Variants in CRB1 observed in about 807,000 individuals in gnomAD.
The protein encoded by CRB1 is protein crumbs homolog 1.
A neutral mutation model predicts 120.0 loss-of-function variants in CRB1; 83 were observed. The observed-to-expected ratio is 0.69, with a 90% CI of 0.58 to 0.83. CRB1 has a LOEUF of 0.83. Ranked by LOEUF, CRB1 falls within the 40% of genes least tolerant of loss-of-function variation. CRB1 has a pLI of 0.00. For synonymous variants in CRB1, 625 were observed against 612.5 expected (o/e 1.02, Z -0.30); for missense variants, 1,699 against 1,687.6 (o/e 1.01, Z -0.12).
intron 4 of CRB1, among the ~76,000 whole-genome samples, chr1:197,354,834 CCCCGCCCA>C (rs1378454076): frequency 3.0e-3 from 47 of 15,858 alleles, no homozygotes; most frequent in African/African-American, 6.6e-3. Flanking sequence ...CACCCCCCCC[CCCCGCCCA>C]CCCCCCCCCC....
At chr1:197,412,102 T>C (rs1032689826) in intron 5 of CRB1, among the ~76,000 whole-genome samples, 2 of 152,224 alleles carry the variant, frequency 1.3e-5, no homozygotes, top group African/African-American at 4.8e-5. Flanking sequence ...GTGGAACACA[T>C]TTCTCTCTGT....
chr1:197,303,107 T>A (rs1656964759), intron 1 of CRB1, among the ~76,000 whole-genome samples: 1 of 151,288 alleles, frequency 6.6e-6, no homozygotes, highest in Non-Finnish European at 1.5e-5. Context: ...CCAATTATTC[T>A]TTTATTTATT....
At chr1:197,454,028 G>C (rs1666157276) in intron 11 of CRB1, among the ~76,000 whole-genome samples, 1 of 146,880 alleles carries the variant, frequency 6.8e-6, no homozygotes, top group African/African-American at 2.5e-5. Context: ...TCTCACTCAT[G>C]TTGCCGAGGC....
chr1:197,394,503 T>C (rs1571463016), intron 5 of CRB1, among the ~76,000 whole-genome samples: 2 of 152,150 alleles, frequency 1.3e-5, no homozygotes. Context: ...ACTGTATACC[T>C]TTTATATCTA....
At chr1:197,278,287 T>C (rs1228933604) in intron 1 of CRB1, among the ~76,000 whole-genome samples, 1 of 151,890 alleles carries the variant, frequency 6.6e-6, no homozygotes, top group Non-Finnish European at 1.5e-5. Context: ...ATGGAGAAGA[T>C]GGCCCTCTAC....
At chr1:197,336,687 G>A (rs1299391323) in intron 2 of CRB1, among the ~76,000 whole-genome samples, 3 of 152,174 alleles carry the variant, frequency 2.0e-5, no homozygotes, top group Non-Finnish European at 4.4e-5. Flanking sequence ...ACTGGGCATT[G>A]TGCGGACTTC....
At chr1:197,445,026 G>C (rs1558146284) in intron 11 of CRB1, among the ~76,000 whole-genome samples, 1 of 151,990 alleles carries the variant, frequency 6.6e-6, no homozygotes, top group Non-Finnish European at 1.5e-5. Flanking sequence ...AAGTAAAGTT[G>C]CATGTACTCT....
chr1:197,363,854 T>G, intron 5 of CRB1: 1 of 867,498 alleles, frequency 1.2e-6, no homozygotes. Context: ...AGGACTGTGA[T>G]GGTATAGGAA....
At chr1:197,276,784 G>C (rs962928577) in intron 1 of CRB1, among the ~76,000 whole-genome samples, 1 of 151,852 alleles carries the variant, frequency 6.6e-6, no homozygotes, top group Non-Finnish European at 1.5e-5. Flanking sequence ...GGTGTCAGGG[G>C]TTTTACAATA....
chr1:197,295,564 A>G (rs150411180), intron 1 of CRB1, among the ~76,000 whole-genome samples: 89 of 152,144 alleles, frequency 5.8e-4, no homozygotes, highest in Middle Eastern at 6.8e-3. Context: ...TGTGTGTCTC[A>G]TCATGGTATA....
At chr1:197,324,945 C>T (rs1249564690) in intron 1 of CRB1, among the ~76,000 whole-genome samples, 3 of 152,148 alleles carry the variant, frequency 2.0e-5, no homozygotes, top group Non-Finnish European at 4.4e-5. Context: ...CTTAAAGGAG[C>T]CCATCTACTT....
intron 2 of CRB1, among the ~76,000 whole-genome samples, chr1:197,334,818 A>G (rs543516141): frequency 6.6e-6 from 1 of 152,324 alleles, no homozygotes; most frequent in East Asian, 1.9e-4. Flanking sequence ...TGAATTGGGC[A>G]TTGTTCTATG....
chr1:197,222,381 C>T, the CRB1 span: 44 of 763,800 alleles, frequency 5.8e-5, no homozygotes, highest in South Asian at 5.4e-4. Context: ...GAAGGAAAAC[C>T]TTTCTTGGCC....
rs1481226260 is a variant in CRB1 at position 197,375,266 on chromosome 1, C to T, written c.1171+18253C>T. Among the ~76,000 whole-genome samples the T allele has an allele frequency of 2.0e-5, 3 of 152,174 alleles. No homozygotes were observed. In the East Asian group the frequency reaches 5.8e-4, roughly 29 times the overall value. On this transcript the variant is annotated intron_variant, in intron 5 of 11. Transcript: ENST00000367400. Reference sequence around the variant, plus strand: ...ATATTACTCACAGCACAGCAGACTGCATGAGTATCATGTTTATGTAGGTTT... The same window carrying T: ...ATATTACTCACAGCACAGCAGACTGTATGAGTATCATGTTTATGTAGGTTT...
At chr1:197,222,601 A>G in the CRB1 span, 1 of 771,706 alleles carries the variant, frequency 1.3e-6, no homozygotes, top group South Asian at 1.3e-5. Flanking sequence ...GCTCCTAGTG[A>G]GGAAAGAGTG....
intron 1 of CRB1, among the ~76,000 whole-genome samples, chr1:197,297,196 C>G (rs891387057): frequency 2.6e-5 from 4 of 151,872 alleles, no homozygotes; most frequent in Admixed American, 6.6e-5. Context: ...TCAATTCTGT[C>G]CCGTGTTTGC....
intron 1 of CRB1, among the ~76,000 whole-genome samples, chr1:197,285,338 T>C (rs2125227170): frequency 6.6e-6 from 1 of 151,882 alleles, no homozygotes; most frequent in African/African-American, 2.4e-5. Flanking sequence ...AAATAAGGGA[T>C]AAGAGAATAG....
chr1:197,328,512 G>T lies in CRB1; in HGVS notation c.161G>T (p.Cys54Phe), dbSNP rs140428156. ...AAAGATTTTTCAAAAGACAATGATT[G>T]TTCTTGTTCAGACACAGCCAATAAT... ...TCKDFSKDND[C>F]SCSDTANNLD... is the part of the protein sequence containing the mutation. The change falls in exon 2 of 12, where the codon TGT becomes TTT. Residue 54 changes from cysteine to phenylalanine, a missense_variant. Coordinates refer to ENST00000367400, the MANE Select transcript of CRB1 (RefSeq NM_201253.3). The T allele has an allele frequency of 2.5e-4, 397 of 1,614,018 alleles. 1 individual carries two copies. Among genetic ancestry groups the T allele is most frequent in the Non-Finnish European group, 4.7e-5 (55 of 1,180,006 alleles).
At chr1:197,270,743 A>T (rs1571740046) in intron 1 of CRB1, among the ~76,000 whole-genome samples, 1 of 152,286 alleles carries the variant, frequency 6.6e-6, no homozygotes, top group East Asian at 1.9e-4. Flanking sequence ...CCATACTACT[A>T]GTGAATGGTA....
Sources: allele counts gnomAD v4.1 joint callset (sites outside exome capture counted in the v4.1 genomes callset), GRCh38; gene constraint gnomAD v4.1.1; transcripts MANE v1.5; gene names NCBI Gene and HGNC (gene_info 2026-07-23, HGNC 2026-07-21).